IL1RAP: variants seen among roughly 807,000 people sequenced by gnomAD.
IL1RAP encodes interleukin-1 receptor accessory protein.
Under a neutral mutation model 60.7 loss-of-function variants are expected in IL1RAP, and 35 were observed. That is an observed-to-expected ratio of 0.58 (90% CI 0.44 to 0.76). IL1RAP has a LOEUF of 0.76. Among genes scored for constraint, IL1RAP ranks in the 30% least tolerant of loss-of-function variants. The pLI, the probability that IL1RAP is intolerant of heterozygous loss-of-function variation, is 0.00. For synonymous variants in IL1RAP, 268 were observed against 250.9 expected, an observed-to-expected ratio of 1.07 and a Z score of -0.64; for missense variants, 572 against 693.9, an observed-to-expected ratio of 0.82 and a Z score of 1.97.
chr3:190,559,215 C>A (rs554932243), intron 2 of IL1RAP, among the ~76,000 whole-genome samples: 2 of 152,134 alleles, frequency 1.3e-5, no homozygotes, highest in African/African-American at 4.8e-5. Flanking sequence ...TGAATATCTC[C>A]GTGATCACTA....
At chr3:190,609,263 C>T in intron 5 of IL1RAP, 82 bp downstream of exon 5, 1 of 967,476 alleles carries the variant, frequency 1.0e-6, no homozygotes, top group Non-Finnish European at 1.5e-6. Flanking sequence ...TATTTATAAG[C>T]AAAGGTGTTT....
intron 3 of IL1RAP, among the ~76,000 whole-genome samples, chr3:190,580,155 G>A (rs187928056): frequency 6.6e-4 from 101 of 152,262 alleles, no homozygotes; most frequent in Admixed American, 2.5e-3. Flanking sequence ...TGCCAACTAC[G>A]TTCCAACGTA....
intron 1 of IL1RAP, among the ~76,000 whole-genome samples, chr3:190,525,688 C>A (rs76057229): frequency 0.027 from 4,106 of 152,142 alleles, 74 homozygotes; most frequent in Non-Finnish European, 0.04. Flanking sequence ...GCTCTCGTTC[C>A]CATTAGAACA....
chr3:190,583,709 A>C (rs1186986727), intron 3 of IL1RAP, among the ~76,000 whole-genome samples: 4 of 152,204 alleles, frequency 2.6e-5, no homozygotes, highest in African/African-American at 4.8e-5. Context: ...CTATATATCC[A>C]GAGGTGTAGT....
chr3:190,607,121 C>T (rs1289285930), intron 4 of IL1RAP, among the ~76,000 whole-genome samples: 1 of 152,080 alleles, frequency 6.6e-6, no homozygotes, highest in Non-Finnish European at 1.5e-5. Flanking sequence ...ACCCCTCCCT[C>T]CCTCTTTGAG....
chr3:190,581,334 C>T lies in IL1RAP; in HGVS notation c.64+16981C>T, dbSNP rs189415401. Among the ~76,000 whole-genome samples, 3 of 152,250 alleles carry T rather than the reference C, an allele frequency of 2.0e-5. No individual in the cohort carries two copies. The East Asian group carries it at 5.8e-4, about 29-fold the overall frequency. On this transcript the variant is annotated intron_variant, in intron 3 of 11. Transcript: ENST00000447382. ...TTGGAGATCCAGTGAGAGAATGAAT[C>T]TAAAGTTTTCTGTAACCAGTAAAAG...
At chr3:190,635,151 G>T (rs1466853019) in intron 9 of IL1RAP, among the ~76,000 whole-genome samples, 2 of 151,890 alleles carry the variant, frequency 1.3e-5, no homozygotes, top group Admixed American at 1.3e-4. Flanking sequence ...CACATTATTG[G>T]CATACTTTTC....
intron 9 of IL1RAP, among the ~76,000 whole-genome samples, chr3:190,633,570 T>C (rs1732968780): frequency 6.6e-6 from 1 of 152,098 alleles, no homozygotes; most frequent in South Asian, 2.1e-4. Flanking sequence ...TTGGCCAGGC[T>C]TGTCTCAAAC....
rs1409480520 is a variant in IL1RAP at position 190,575,003 on chromosome 3, A to G, written c.64+10650A>G. On this transcript the variant is annotated intron_variant, in intron 3 of 11. Transcript: ENST00000447382. ...GTCCTAGGGAAATGAGTTTTTTTTT[A>G]ACAGACTGATTATTCATTTCAAAAC... Among the ~76,000 whole-genome samples the G allele has an allele frequency of 1.3e-5, 2 of 148,652 alleles. 1 individual carries two copies. Among genetic ancestry groups the G allele is most frequent in the Admixed American group, 1.3e-4 (2 of 15,022 alleles).
intron 9 of IL1RAP, among the ~76,000 whole-genome samples, chr3:190,635,034 A>G (rs1444735800): frequency 6.6e-6 from 1 of 152,028 alleles, no homozygotes; most frequent in Admixed American, 6.6e-5. Context: ...TTTTTGGGAA[A>G]GCTTTTAATT....
chr3:190,625,797 C>T (rs1732211073), intron 7 of IL1RAP, among the ~76,000 whole-genome samples: 1 of 152,110 alleles, frequency 6.6e-6, no homozygotes, highest in Non-Finnish European at 1.5e-5. Context: ...TTTATATAGT[C>T]ATATGAATAC....
chr3:190,550,142 C>T (rs892943203), intron 1 of IL1RAP, among the ~76,000 whole-genome samples: 4 of 152,222 alleles, frequency 2.6e-5, no homozygotes, highest in African/African-American at 9.6e-5. Context: ...CTTCTCTCAC[C>T]TATGCCTCTA....
intron 3 of IL1RAP, among the ~76,000 whole-genome samples, chr3:190,565,054 A>C (rs1726254758): frequency 6.6e-6 from 1 of 152,178 alleles, no homozygotes; most frequent in Admixed American, 6.5e-5. Flanking sequence ...TGGACTAATC[A>C]AATTCTTAGA....
chr3:190,621,215 C>T (rs1302725474), intron 6 of IL1RAP, among the ~76,000 whole-genome samples: 1 of 152,188 alleles, frequency 6.6e-6, no homozygotes, highest in Non-Finnish European at 1.5e-5. Flanking sequence ...AAGAAGTAAC[C>T]TGTTTAGAGA....
intron 1 of IL1RAP, among the ~76,000 whole-genome samples, chr3:190,524,122 G>A (rs939852351): frequency 1.3e-5 from 2 of 151,988 alleles, no homozygotes; most frequent in Admixed American, 6.6e-5. Context: ...GATTAGTGAT[G>A]TTTTATTCAT....
intron 5 of IL1RAP, among the ~76,000 whole-genome samples, chr3:190,613,193 AC>A (rs1730973268): frequency 5.8e-5 from 1 of 17,192 alleles, no homozygotes. Flanking sequence ...GTAATGTCTT[AC>A]TCTGCATCTC....
At chr3:190,607,819 T>G (rs866096090) in intron 4 of IL1RAP, among the ~76,000 whole-genome samples, 35 of 152,214 alleles carry the variant, frequency 2.3e-4, no homozygotes, top group African/African-American at 8.2e-4. Flanking sequence ...ATATTCCATT[T>G]GTCACATTTT....
chr3:190,624,725 A>C, intron 7 of IL1RAP: 1 of 206,346 alleles, frequency 4.8e-6, no homozygotes. Context: ...TGTTTCAGGC[A>C]GTGCCTGTTT....
chr3:190,638,190 A>C lies in IL1RAP; in HGVS notation c.1052-6058A>C, dbSNP rs546940314. On this transcript the variant is annotated intron_variant, in intron 9 of 11. Coordinates refer to ENST00000447382, the MANE Select transcript of IL1RAP (RefSeq NM_002182.4). ...GTGGAATTACTGACTTAGTTTTATC[A>C]GAAACTGTTAGACCTTTTTTTTTCC... Among the ~76,000 whole-genome samples, 25 of 152,238 alleles carry C rather than the reference A, an allele frequency of 1.6e-4. No individual in the cohort carries two copies. In the East Asian group the frequency reaches 3.7e-3, roughly 22 times the overall value.
Sources: allele counts gnomAD v4.1 joint callset (sites outside exome capture counted in the v4.1 genomes callset), GRCh38; gene constraint gnomAD v4.1.1; transcripts MANE v1.5; gene names NCBI Gene and HGNC (gene_info 2026-07-23, HGNC 2026-07-21).